PXDNL: variants seen among roughly 807,000 people sequenced by gnomAD.
PXDNL encodes the protein probable oxidoreductase PXDNL.
A neutral mutation model predicts 150.8 loss-of-function variants in PXDNL; 145 were observed. The ratio of observed to expected loss-of-function variants is 0.96; its 90% CI spans 0.84 to 1.10. The LOEUF (loss-of-function observed/expected upper bound fraction) is 1.10, where lower values mean the gene tolerates loss of function less well. PXDNL is among the 50% of genes least tolerant of loss of function. The pLI, the probability that PXDNL is intolerant of heterozygous loss-of-function variation, is 0.00. For synonymous variants in PXDNL, 757 were observed against 725.7 expected (o/e 1.04, Z -0.69); for missense variants, 2,087 against 1,873.9 (o/e 1.11, Z -2.10).
intron 1 of PXDNL, among the ~76,000 whole-genome samples, chr8:51,750,530 C>T (rs1330914674): frequency 6.6e-6 from 1 of 152,166 alleles, no homozygotes; most frequent in Non-Finnish European, 1.5e-5. Context: ...CGTATGGGAC[C>T]ACTGTCATAT....
At chr8:51,439,562 C>A (rs1244189233) in intron 12 of PXDNL, among the ~76,000 whole-genome samples, 3 of 152,062 alleles carry the variant, frequency 2.0e-5, no homozygotes, top group African/African-American at 7.2e-5. Context: ...TGGTGGCTTA[C>A]GCTTGTAATC....
intron 1 of PXDNL, among the ~76,000 whole-genome samples, chr8:51,709,402 C>G (rs144629568): frequency 6.6e-6 from 1 of 151,842 alleles, no homozygotes; most frequent in African/African-American, 2.4e-5. Flanking sequence ...CTACAGGTGC[C>G]GGCCACCACG....
intron 4 of PXDNL, among the ~76,000 whole-genome samples, chr8:51,509,867 CTATGCAA>C (rs1319764587): frequency 6.6e-6 from 1 of 151,140 alleles, no homozygotes; most frequent in African/African-American, 2.4e-5. Context: ...TTGCATTATA[CTATGCAA>C]TATGCTTGTT....
intron 1 of PXDNL, among the ~76,000 whole-genome samples, chr8:51,744,933 AAAG>A (rs2036962199): frequency 4.0e-4 from 1 of 2,520 alleles, no homozygotes; most frequent in Non-Finnish European, 0.013. Context: ...AAAGAAAAAG[AAAG>A]AAAGAAAGAA....
intron 1 of PXDNL, among the ~76,000 whole-genome samples, chr8:51,676,669 C>T (rs1585667025): frequency 6.6e-6 from 1 of 152,126 alleles, no homozygotes; most frequent in East Asian, 1.9e-4. Context: ...TGTAGAATTA[C>T]CAAACCGTGT....
intron 13 of PXDNL, 97 bp from the exon 14 acceptor site, chr8:51,423,828 T>C: frequency 8.9e-7 from 1 of 1,124,118 alleles, no homozygotes; most frequent in Non-Finnish European, 1.2e-6. Context: ...TCAACAGATA[T>C]CTATTGCACG....
chr8:51,777,411 C>A (rs2037364577), intron 1 of PXDNL, among the ~76,000 whole-genome samples: 1 of 152,164 alleles, frequency 6.6e-6, no homozygotes, highest in South Asian at 2.1e-4. Flanking sequence ...TAAATCAGAA[C>A]AAGAAAGTGA....
At chr8:51,720,568 C>T (rs1333400274) in intron 1 of PXDNL, among the ~76,000 whole-genome samples, 2 of 152,036 alleles carry the variant, frequency 1.3e-5, no homozygotes, top group Non-Finnish European at 2.9e-5. Flanking sequence ...ATGTGCTATC[C>T]TGATATTCTG....
chr8:51,605,699 T>C (rs911751980), intron 2 of PXDNL, among the ~76,000 whole-genome samples: 3 of 152,202 alleles, frequency 2.0e-5, no homozygotes, highest in African/African-American at 7.2e-5. Flanking sequence ...AGTTCATGTG[T>C]TGGAAACTTA....
In PXDNL at chr8:51,535,193, G is replaced by C. The variant is rs370590469; in HGVS notation, c.380+21647C>G. Among the ~76,000 whole-genome samples, 141 of 138,444 alleles carry C rather than the reference G, an allele frequency of 1.0e-3. 15 individuals are homozygous for C. The East Asian group carries it at 0.02, about 20-fold the overall frequency. The allele number at this position is 138,444 out of a possible 152,430, so 90.8% of individuals were successfully genotyped here. On this transcript the variant is annotated intron_variant, in intron 4 of 22. Transcript: ENST00000356297. Reference sequence around the variant, plus strand: ...TGGGAAGTGAGGAGCCTCTCTGCCCGGCCAGGACCCCGTCTGGGAGGTGTG... The same window carrying C: ...TGGGAAGTGAGGAGCCTCTCTGCCCCGCCAGGACCCCGTCTGGGAGGTGTG...
At chr8:51,575,198 T>C (rs1813024126) in intron 3 of PXDNL, among the ~76,000 whole-genome samples, 1 of 151,934 alleles carries the variant, frequency 6.6e-6, no homozygotes, top group Non-Finnish European at 1.5e-5. Flanking sequence ...GAGAATGTGA[T>C]AAATTATGTA....
intron 17 of PXDNL, among the ~76,000 whole-genome samples, chr8:51,391,068 CAT>C (rs1491066964): frequency 6.6e-6 from 1 of 152,166 alleles, no homozygotes; most frequent in Non-Finnish European, 1.5e-5. Context: ...TTACAAAGGA[CAT>C]GAACTCATCA....
intron 4 of PXDNL, among the ~76,000 whole-genome samples, chr8:51,521,671 G>C (rs1811666950): frequency 1.3e-5 from 2 of 151,768 alleles, no homozygotes; most frequent in South Asian, 4.2e-4. Flanking sequence ...CACCAAGCAA[G>C]ATAAATACCA....
chr8:51,347,109 C>T (rs1806184427), intron 19 of PXDNL, among the ~76,000 whole-genome samples: 1 of 151,836 alleles, frequency 6.6e-6, no homozygotes, highest in South Asian at 2.1e-4. Flanking sequence ...GGATAACAAC[C>T]CGAGAGCATC....
chr8:51,329,571 AGATGTT>A (rs762942928), intron 21 of PXDNL, among the ~76,000 whole-genome samples: 7 of 152,248 alleles, frequency 4.6e-5, no homozygotes, highest in Non-Finnish European at 8.8e-5. Context: ...CATGAGACAC[AGATGTT>A]GAAATTATCT....
intron 5 of PXDNL, among the ~76,000 whole-genome samples, chr8:51,493,192 C>G (rs986239117): frequency 1.3e-5 from 2 of 152,182 alleles, no homozygotes; most frequent in African/African-American, 4.8e-5. Context: ...GGACCTCCAG[C>G]AAACTCCAAC....
intron 20 of PXDNL, among the ~76,000 whole-genome samples, chr8:51,343,553 G>A (rs1044916954): frequency 5.9e-5 from 9 of 152,080 alleles, no homozygotes; most frequent in Non-Finnish European, 1.3e-4. Flanking sequence ...GGCTTCAATG[G>A]GCCACCCAGA....
rs1186536042 is a variant in PXDNL at position 51,545,520 on chromosome 8, C to T, written c.380+11320G>A. ...CTGGGTAATTTATAATGAATAGAAA[C>T]ATATTGGCTCATGGCTCTGAAGGCT... On this transcript the variant is annotated intron_variant, in intron 4 of 22. Transcript: ENST00000356297. 2.0e-5 allele frequency among the ~76,000 whole-genome samples: 3 copies of T among 152,100 alleles called. 1 individual carries two copies. The East Asian group carries it at 5.8e-4, about 29-fold the overall frequency.
rs148002199 is a variant in PXDNL, at chr8:51,333,755, A to G, written c.4146+5869T>C. ...TATATAACAGTAAAAGGCCTTGTCC[A>G]ACAGGACAATATCACAATCCTAAAC... On this transcript the variant is annotated intron_variant, in intron 21 of 22. Coordinates refer to ENST00000356297, the MANE Select transcript of PXDNL (RefSeq NM_144651.5). 7.9e-3 allele frequency among the ~76,000 whole-genome samples: 1,200 copies of G among 152,340 alleles called. 5 individuals are homozygous for G. Among genetic ancestry groups the G allele is most frequent in the Middle Eastern group, 0.014 (4 of 294 alleles).
Sources: allele counts gnomAD v4.1 joint callset (sites outside exome capture counted in the v4.1 genomes callset), GRCh38; gene constraint gnomAD v4.1.1; transcripts MANE v1.5; gene names NCBI Gene and HGNC (gene_info 2026-07-23, HGNC 2026-07-21).